The following KHDRBS2 variants were observed in gnomAD, a reference collection of about 807,000 sequenced individuals.
KHDRBS2 encodes the protein KH domain-containing, RNA-binding, signal transduction-associated protein 2.
In KHDRBS2, 26 loss-of-function variants were observed where a neutral mutation model predicts 44.3. That is an observed-to-expected ratio of 0.59 (90% CI 0.43 to 0.81). KHDRBS2 has a LOEUF of 0.81. KHDRBS2 is among the 40% of genes least tolerant of loss of function. The pLI is 0.00. For synonymous variants in KHDRBS2, 194 were observed against 151.1 expected, an observed-to-expected ratio of 1.28 and a Z score of -2.08; for missense variants, 476 against 433.1, an observed-to-expected ratio of 1.10 and a Z score of -0.88.
intron 6 of KHDRBS2, among the ~76,000 whole-genome samples, chr6:61,819,855 C>A (rs1487000149): frequency 3.3e-5 from 5 of 151,904 alleles, no homozygotes; most frequent in Admixed American, 1.3e-4. Context: ...AATGGCCAAG[C>A]CAAGAGCTGG....
intron 1 of KHDRBS2, among the ~76,000 whole-genome samples, chr6:62,225,633 G>A (rs1831644920): frequency 1.3e-5 from 2 of 152,108 alleles, no homozygotes; most frequent in African/African-American, 2.4e-5. Context: ...AACTCGTCAT[G>A]TAGGTTTTAA....
intron 3 of KHDRBS2, among the ~76,000 whole-genome samples, chr6:62,012,119 G>A (rs951262787): frequency 4.6e-5 from 7 of 152,174 alleles, no homozygotes; most frequent in African/African-American, 1.7e-4. Flanking sequence ...GTGGAAGTCA[G>A]CAAGACAGCT....
chr6:61,891,163 TG>T (rs1198622433), intron 6 of KHDRBS2, among the ~76,000 whole-genome samples: 1 of 152,194 alleles, frequency 6.6e-6, no homozygotes, highest in Non-Finnish European at 1.5e-5. Flanking sequence ...AGCATGTTTA[TG>T]GATAGTTGAA....
At chr6:61,612,844 T>TTA in the KHDRBS2 span, among the ~76,000 whole-genome samples, 1 of 21,380 alleles carries the variant, frequency 4.7e-5, no homozygotes, top group Admixed American at 5.2e-4. Flanking sequence ...GCAGCCTTTT[T>TTA]TTTTTTTTTT....
At chr6:61,600,967 G>A in the KHDRBS2 span, among the ~76,000 whole-genome samples, 3,282 of 152,246 alleles carry the variant, frequency 0.022, 119 homozygotes, top group African/African-American at 0.075. Flanking sequence ...TCATGGACTC[G>A]GGAAGACAGT....
chr6:62,233,559 G>T (rs1833215287), intron 1 of KHDRBS2, among the ~76,000 whole-genome samples: 1 of 152,082 alleles, frequency 6.6e-6, no homozygotes, highest in Non-Finnish European at 1.5e-5. Flanking sequence ...TGTCATAGGG[G>T]TTTGTTGTAC....
intron 6 of KHDRBS2, among the ~76,000 whole-genome samples, chr6:61,753,812 T>C (rs1469863188): frequency 6.6e-6 from 1 of 152,016 alleles, no homozygotes; most frequent in East Asian, 1.9e-4. Flanking sequence ...TGTAAAAGGG[T>C]TTTTGCAGGT....
intron 3 of KHDRBS2, among the ~76,000 whole-genome samples, chr6:62,007,916 G>A (rs1385865683): frequency 1.3e-5 from 2 of 152,110 alleles, no homozygotes; most frequent in Admixed American, 1.3e-4. Flanking sequence ...AAATATGGTA[G>A]AGATAACCTG....
At chr6:62,183,483 GTGAATTA>G (rs1340485848) in intron 1 of KHDRBS2, among the ~76,000 whole-genome samples, 4 of 151,366 alleles carry the variant, frequency 2.6e-5, no homozygotes, top group Non-Finnish European at 5.9e-5. Flanking sequence ...TTTATAGAGG[GTGAATTA>G]CATGGTCTTC....
chr6:61,805,519 A>G (rs189619760), intron 6 of KHDRBS2, among the ~76,000 whole-genome samples: 1 of 152,268 alleles, frequency 6.6e-6, no homozygotes, highest in East Asian at 1.9e-4. Context: ...TCTATGTGGT[A>G]CCAATTTACT....
At chr6:61,605,491 T>A in the KHDRBS2 span, among the ~76,000 whole-genome samples, 4 of 152,168 alleles carry the variant, frequency 2.6e-5, no homozygotes, top group Non-Finnish European at 4.4e-5. Flanking sequence ...ATGTCCTGGG[T>A]CCTCCCAATT....
intron 4 of KHDRBS2, among the ~76,000 whole-genome samples, chr6:61,910,223 C>T (rs1805806496): frequency 6.6e-6 from 1 of 152,218 alleles, no homozygotes; most frequent in African/African-American, 2.4e-5. Context: ...TTTAGCAAAA[C>T]AGAACATGCT....
chr6:61,608,584 C>T, the KHDRBS2 span, among the ~76,000 whole-genome samples: 1 of 151,896 alleles, frequency 6.6e-6, no homozygotes, highest in Non-Finnish European at 1.5e-5. Flanking sequence ...GTTATCCCTC[C>T]CCTTATCCCC....
At chr6:61,672,858 C>A in the KHDRBS2 span, among the ~76,000 whole-genome samples, 1 of 151,046 alleles carries the variant, frequency 6.6e-6, no homozygotes, top group African/African-American at 2.4e-5. Context: ...TAATTAGATC[C>A]CATTTGTCAA....
intron 6 of KHDRBS2, among the ~76,000 whole-genome samples, chr6:61,878,326 T>C (rs1384909470): frequency 6.6e-6 from 1 of 152,064 alleles, no homozygotes; most frequent in Non-Finnish European, 1.5e-5. Context: ...CACAATTCAT[T>C]GTACTACTTT....
chr6:62,231,522 T>A (rs1832898114), intron 1 of KHDRBS2, among the ~76,000 whole-genome samples: 1 of 152,108 alleles, frequency 6.6e-6, no homozygotes, highest in East Asian at 1.9e-4. Context: ...ACACGGGGAT[T>A]ACAATTTGAG....
chr6:61,567,307 C>T, the KHDRBS2 span, among the ~76,000 whole-genome samples: 5,222 of 152,206 alleles, frequency 0.034, 290 homozygotes, highest in African/African-American at 0.12. Context: ...TCAAGAAGGT[C>T]CTAGATCTAA....
intron 2 of KHDRBS2, among the ~76,000 whole-genome samples, chr6:62,060,474 T>A (rs141748729): frequency 6.2e-4 from 94 of 151,774 alleles, no homozygotes; most frequent in African/African-American, 2.2e-3. Context: ...TGAGAAAAAG[T>A]GAAATAATTC....
chr6:61,653,941 T>C, the KHDRBS2 span, among the ~76,000 whole-genome samples: 1 of 152,048 alleles, frequency 6.6e-6, no homozygotes, highest in Non-Finnish European at 1.5e-5. Flanking sequence ...AACAAATTCA[T>C]GGAACACACA....
Sources: allele counts gnomAD v4.1 joint callset (sites outside exome capture counted in the v4.1 genomes callset), GRCh38; gene constraint gnomAD v4.1.1; transcripts MANE v1.5; gene names NCBI Gene and HGNC (gene_info 2026-07-23, HGNC 2026-07-21).